Variants in PRRC1 observed in about 807,000 individuals in gnomAD.
PRRC1 encodes the protein protein PRRC1.
A neutral mutation model predicts 40.7 loss-of-function variants in PRRC1; 39 were observed. The observed-to-expected ratio is 0.96, with a 90% CI of 0.74 to 1.25. PRRC1 has a LOEUF of 1.25. Ranked by LOEUF, PRRC1 falls within the 50% of genes most tolerant of loss-of-function variation. PRRC1 has a pLI of 0.00. For missense variants in PRRC1, 573 were observed against 548.3 expected (o/e 1.05, Z -0.45); for synonymous variants, 175 against 193.3 (o/e 0.91, Z 0.79).
chr5:127,528,851 C>T (rs906038320), intron 4 of PRRC1, among the ~76,000 whole-genome samples: 1 of 152,070 alleles, frequency 6.6e-6, no homozygotes, highest in Non-Finnish European at 1.5e-5. Context: ...TTGGTATGAT[C>T]CCTATATTAT....
intron 6 of PRRC1, among the ~76,000 whole-genome samples, chr5:127,536,475 T>G (rs62373919): frequency 0.029 from 4,408 of 152,172 alleles, 107 homozygotes; most frequent in Non-Finnish European, 0.046. Flanking sequence ...CCAAGAGGTT[T>G]TGCAAGTTGG....
intron 1 of PRRC1, among the ~76,000 whole-genome samples, chr5:127,520,150 A>G (rs187179159): frequency 9.8e-5 from 15 of 152,350 alleles, no homozygotes; most frequent in Non-Finnish European, 1.8e-4. Flanking sequence ...GATTTTTAGT[A>G]GTATTCCTAA....
intron 5 of PRRC1, among the ~76,000 whole-genome samples, chr5:127,530,746 C>CTT (rs34749591): frequency 5.8e-4 from 82 of 142,284 alleles, no homozygotes; most frequent in East Asian, 4.0e-3. Flanking sequence ...TTGTTTCATA[C>CTT]TTTTTTTTTT....
chr5:127,542,634 T>G (rs1056365267), intron 7 of PRRC1, among the ~76,000 whole-genome samples: 3 of 151,710 alleles, frequency 2.0e-5, no homozygotes, highest in African/African-American at 7.3e-5. Flanking sequence ...TGTAATGGCC[T>G]TCTTTGTCTC....
At chr5:127,539,571 A>G (rs1036473953) in intron 7 of PRRC1, among the ~76,000 whole-genome samples, 2 of 151,970 alleles carry the variant, frequency 1.3e-5, no homozygotes, top group African/African-American at 4.8e-5. Context: ...TAGTTTAGAA[A>G]AACCTCCAGA....
chr5:127,550,674 G>C (rs1768353484), intron 8 of PRRC1: 1 of 152,162 alleles, frequency 6.6e-6, no homozygotes, highest in Non-Finnish European at 1.5e-5. Flanking sequence ...AGATATTCAG[G>C]GGATTCATAG....
chr5:127,552,014 C>T lies in PRRC1; in HGVS notation c.*98C>T, dbSNP rs7729354. ...CTAAATCGAATAGTCTAAATGAATCCAGTAGTTTTTATCATTTTCCTGTAG... is the reference window on the plus strand; with the variant it reads ...CTAAATCGAATAGTCTAAATGAATCTAGTAGTTTTTATCATTTTCCTGTAG... On this transcript the variant is annotated 3_prime_UTR_variant, in exon 9 of 9. Transcript: ENST00000296666. 78,423 of 1,513,718 alleles carry T rather than the reference C, an allele frequency of 0.052. 2,187 individuals are homozygous for T. The highest frequency in any genetic ancestry group is 0.056 in the Non-Finnish European group (62,799 of 1,128,474). The allele number at this position is 1,513,718 out of a possible 1,614,324, so 93.8% of individuals were successfully genotyped here.
chr5:127,551,901 ACC>A lies in PRRC1; in HGVS notation c.1325_1326del (p.Pro442GlnfsTer109). On this transcript the variant is annotated frameshift_variant, in exon 9 of 9. Transcript: ENST00000296666. LOFTEE classifies it high-confidence loss of function. Reference sequence around the variant, plus strand: ...CGGGCATGTATAAACAGCGCCTGCCACCCAGGACAGTGTGAGAGGAGACCTAC... The same window carrying A: ...CGGGCATGTATAAACAGCGCCTGCCACAGGACAGTGTGAGAGGAGACCTAC... ...IAGMYKQRLP[P>X]RTV 6.2e-7 allele frequency: 1 copy of A among 1,614,096 alleles called. No homozygotes were observed. The highest frequency in any genetic ancestry group is 8.5e-7 in the Non-Finnish European group (1 of 1,179,968).
At chr5:127,528,835 A>G (rs182358792) in intron 4 of PRRC1, among the ~76,000 whole-genome samples, 2 of 152,022 alleles carry the variant, frequency 1.3e-5, no homozygotes, top group African/African-American at 4.8e-5. Flanking sequence ...TCATATCCCC[A>G]TTGATTTGGT....
intron 1 of PRRC1, among the ~76,000 whole-genome samples, chr5:127,519,971 C>G (rs1767417152): frequency 6.6e-6 from 1 of 152,214 alleles, no homozygotes; most frequent in Admixed American, 6.5e-5. Context: ...TGCCTCCTTT[C>G]CCTTCCTCCA....
At chr5:127,530,203 G>A in intron 4 of PRRC1, 91 bp from the exon 5 acceptor site, 1 of 1,039,772 alleles carries the variant, frequency 9.6e-7, no homozygotes, top group South Asian at 1.5e-5. Context: ...GGATGCATTG[G>A]AAACTTTTAA....
At chr5:127,529,273 T>G in intron 4 of PRRC1, among the ~76,000 whole-genome samples, 1 of 151,956 alleles carries the variant, frequency 6.6e-6, no homozygotes, top group Non-Finnish European at 1.5e-5. Flanking sequence ...ATTGGCTGAT[T>G]TGTAGTATTT....
intron 1 of PRRC1, among the ~76,000 whole-genome samples, chr5:127,521,131 G>A (rs1767448372): frequency 6.6e-6 from 1 of 152,154 alleles, no homozygotes; most frequent in Non-Finnish European, 1.5e-5. Flanking sequence ...GTATCAGTAT[G>A]TTCAGCTCCC....
chr5:127,541,763 C>G (rs902426084), intron 7 of PRRC1, among the ~76,000 whole-genome samples: 2 of 151,588 alleles, frequency 1.3e-5, no homozygotes, highest in African/African-American at 4.9e-5. Context: ...ATTCTTCTCT[C>G]TTTTTTTCTT....
intron 6 of PRRC1, among the ~76,000 whole-genome samples, chr5:127,537,730 A>C (rs1767935101): frequency 6.6e-6 from 1 of 151,946 alleles, no homozygotes; most frequent in Non-Finnish European, 1.5e-5. Flanking sequence ...TAATCCCTTA[A>C]TAGTTTTTAC....
At chr5:127,522,044 T>C (rs1373236757) in intron 1 of PRRC1, among the ~76,000 whole-genome samples, 1 of 152,242 alleles carries the variant, frequency 6.6e-6, no homozygotes, top group Non-Finnish European at 1.5e-5. Context: ...GTAAGTATCC[T>C]ATTTGTTTTT....
At chr5:127,523,681 C>A in intron 2 of PRRC1, 99 bp downstream of exon 2, 1 of 566,262 alleles carries the variant, frequency 1.8e-6, no homozygotes, top group Non-Finnish European at 2.9e-6. Context: ...TATATTAAAA[C>A]TTCTCTATTA....
chr5:127,523,618 G>T, intron 2 of PRRC1, 36 bp downstream of exon 2: 1 of 1,258,364 alleles, frequency 7.9e-7, no homozygotes, highest in Non-Finnish European at 1.1e-6. Context: ...TGTGTTTTGA[G>T]AATAGTGAAG....
chr5:127,522,150 A>T (rs1473431633), intron 1 of PRRC1, among the ~76,000 whole-genome samples: 1 of 152,266 alleles, frequency 6.6e-6, no homozygotes, highest in Non-Finnish European at 1.5e-5. Context: ...TATTAAAAAC[A>T]AATATAGCAT....
Sources: gnomAD v4.1 joint callset for allele counts (sites outside exome capture counted in the v4.1 genomes callset) on GRCh38, gnomAD v4.1.1 for gene constraint, MANE v1.5 for transcripts, NCBI Gene and HGNC (gene_info 2026-07-23, HGNC 2026-07-21) for gene names.